Variants in SEMA6D observed in about 807,000 individuals in gnomAD.
SEMA6D encodes semaphorin-6D.
A neutral mutation model predicts 106.6 loss-of-function variants in SEMA6D; 35 were observed. The ratio of observed to expected loss-of-function variants is 0.33; its 90% CI spans 0.25 to 0.44. The LOEUF is 0.44. SEMA6D is among the 20% of genes least tolerant of loss of function. The pLI is 1.00. For synonymous variants in SEMA6D, 499 were observed against 487.7 expected (o/e 1.02, Z -0.31); for missense variants, 1,185 against 1,345.9 (o/e 0.88, Z 1.87).
At chr15:47,767,739 G>A (rs957137299) in intron 17 of SEMA6D, among the ~76,000 whole-genome samples, 8 of 152,176 alleles carry the variant, frequency 5.3e-5, no homozygotes, top group East Asian at 1.9e-4. Flanking sequence ...GCTTAAAAGC[G>A]TAGGCTTACA....
intron 1 of SEMA6D, among the ~76,000 whole-genome samples, chr15:47,374,927 G>C (rs2039398293): frequency 6.6e-6 from 1 of 152,168 alleles, no homozygotes; most frequent in Non-Finnish European, 1.5e-5. Context: ...CTCTGTTGTA[G>C]ACCTGTTGCA....
At chr15:47,623,288 T>A (rs1328348026) in intron 4 of SEMA6D, among the ~76,000 whole-genome samples, 1 of 152,228 alleles carries the variant, frequency 6.6e-6, no homozygotes, top group Non-Finnish European at 1.5e-5. Flanking sequence ...GCTAAAGTAA[T>A]GATACTGATC....
At chr15:47,320,551 C>T (rs149807396) in intron 1 of SEMA6D, among the ~76,000 whole-genome samples, 5 of 152,214 alleles carry the variant, frequency 3.3e-5, no homozygotes, top group African/African-American at 1.2e-4. Context: ...TTAGCTTTTC[C>T]AGCTGTAACT....
chr15:47,520,030 G>T (rs2044520679), intron 3 of SEMA6D, among the ~76,000 whole-genome samples: 1 of 152,118 alleles, frequency 6.6e-6, no homozygotes. Flanking sequence ...AAGGGGATTA[G>T]GAAAGAGAGA....
At chr15:47,186,109 A>G (rs969441172) in intron 1 of SEMA6D, among the ~76,000 whole-genome samples, 3 of 152,190 alleles carry the variant, frequency 2.0e-5, no homozygotes, top group Non-Finnish European at 4.4e-5. Context: ...ATATACACAT[A>G]TATAGTATTT....
At chr15:47,632,696 T>C (rs1164536455) in intron 4 of SEMA6D, among the ~76,000 whole-genome samples, 2 of 152,078 alleles carry the variant, frequency 1.3e-5, no homozygotes, top group Non-Finnish European at 2.9e-5. Flanking sequence ...AAGCAGAATA[T>C]AGTTAAGTCA....
intron 4 of SEMA6D, among the ~76,000 whole-genome samples, chr15:47,650,648 G>A (rs1196263509): frequency 6.6e-6 from 1 of 152,148 alleles, no homozygotes; most frequent in African/African-American, 2.4e-5. Context: ...AGAACATTGT[G>A]ACATAGGAGA....
chr15:47,254,622 A>G (rs963423985), intron 1 of SEMA6D, among the ~76,000 whole-genome samples: 7 of 152,032 alleles, frequency 4.6e-5, no homozygotes, highest in African/African-American at 1.2e-4. Context: ...GTGTTTTTAT[A>G]GTGAAAGATG....
At chr15:47,656,842 T>C (rs536158837) in intron 4 of SEMA6D, among the ~76,000 whole-genome samples, 5 of 152,290 alleles carry the variant, frequency 3.3e-5, no homozygotes, top group Non-Finnish European at 7.4e-5. Flanking sequence ...AGGATGGTGA[T>C]CAGCATGGTG....
chr15:47,476,003 A>T (rs768644062), intron 3 of SEMA6D, among the ~76,000 whole-genome samples: 2 of 152,164 alleles, frequency 1.3e-5, no homozygotes, highest in Non-Finnish European at 2.9e-5. Flanking sequence ...TGTGGTGAAA[A>T]CAAAGAGAAT....
intron 3 of SEMA6D, among the ~76,000 whole-genome samples, chr15:47,486,557 C>T (rs540962852): frequency 7.2e-5 from 11 of 152,282 alleles, no homozygotes; most frequent in African/African-American, 2.2e-4. Flanking sequence ...GACAGCTGGA[C>T]GTGCACTACA....
intron 2 of SEMA6D, among the ~76,000 whole-genome samples, chr15:47,449,737 C>G (rs10519119): frequency 0.21 from 31,364 of 151,942 alleles, 3,900 homozygotes; most frequent in African/African-American, 0.33. Flanking sequence ...ACATCCTGGT[C>G]TATCAGTAAA....
chr15:47,563,020 A>G (rs1292827423), intron 3 of SEMA6D, among the ~76,000 whole-genome samples: 1 of 152,188 alleles, frequency 6.6e-6, no homozygotes, highest in Non-Finnish European at 1.5e-5. Flanking sequence ...AACTGCTGAT[A>G]CATGCTACAA....
intron 1 of SEMA6D, among the ~76,000 whole-genome samples, chr15:47,215,085 T>C (rs1416976016): frequency 1.0e-5 from 1 of 96,622 alleles, no homozygotes; most frequent in East Asian, 2.1e-4. Context: ...TTTTCACTTA[T>C]TTTGAGGCTA....
At chr15:47,397,602 A>C (rs753238647) in intron 1 of SEMA6D, 2 of 152,204 alleles carry the variant, frequency 1.3e-5, no homozygotes, top group African/African-American at 4.8e-5. Flanking sequence ...GATATACTAT[A>C]TGCATGCTTG....
chr15:47,400,043 C>T (rs2040346998), intron 1 of SEMA6D, among the ~76,000 whole-genome samples: 2 of 152,172 alleles, frequency 1.3e-5, no homozygotes, highest in South Asian at 4.1e-4. Flanking sequence ...TTATGATACC[C>T]TCCTCACCAT....
upstream of SEMA6D, among the ~76,000 whole-genome samples, chr15:47,715,068 G>C (rs140496902): frequency 3.7e-4 from 57 of 152,274 alleles, no homozygotes; most frequent in South Asian, 2.7e-3. Context: ...GGGGCTAGTG[G>C]GATGAGGCAA....
chr15:47,496,117 T>A (rs971997768), intron 3 of SEMA6D, among the ~76,000 whole-genome samples: 18 of 152,108 alleles, frequency 1.2e-4, no homozygotes, highest in Admixed American at 8.5e-4. Flanking sequence ...GGTTTCTGAT[T>A]ACTGATGCTA....
intron 1 of SEMA6D, among the ~76,000 whole-genome samples, chr15:47,291,087 G>A (rs1201753511): frequency 2.0e-5 from 3 of 152,106 alleles, no homozygotes; most frequent in African/African-American, 7.2e-5. Flanking sequence ...AATATCCACA[G>A]CATAATATTC....
Sources: allele counts gnomAD v4.1 joint callset (sites outside exome capture counted in the v4.1 genomes callset), GRCh38; gene constraint gnomAD v4.1.1; transcripts MANE v1.5; gene names NCBI Gene and HGNC (gene_info 2026-07-23, HGNC 2026-07-21).